MAP4K4: variants seen among roughly 807,000 people sequenced by gnomAD.
MAP4K4 encodes the protein HPK/GCK-like kinase HGK.
Under a neutral mutation model 189.6 loss-of-function variants are expected in MAP4K4, and 38 were observed. The observed-to-expected ratio is 0.20, with a 90% CI of 0.15 to 0.26. The LOEUF is 0.26. Among genes scored for constraint, MAP4K4 ranks in the 10% least tolerant of loss-of-function variants. The pLI is 1.00. For synonymous variants in MAP4K4, 610 were observed against 624.3 expected (o/e 0.98, Z 0.34); for missense variants, 1,054 against 1,726.9 (o/e 0.61, Z 6.91).
chr2:101,728,174 A>G (rs1210971852), intron 2 of MAP4K4, among the ~76,000 whole-genome samples: 1 of 152,182 alleles, frequency 6.6e-6, no homozygotes, highest in East Asian at 1.9e-4. Context: ...CCCAAAGTAC[A>G]GATTGTCATA....
intron 12 of MAP4K4, among the ~76,000 whole-genome samples, chr2:101,850,584 T>C (rs2097254105): frequency 6.6e-6 from 1 of 152,208 alleles, no homozygotes; most frequent in South Asian, 2.1e-4. Flanking sequence ...TGTTAGCACA[T>C]GCTACCTTTC....
At chr2:101,735,863 G>A (rs1486793356) in intron 2 of MAP4K4, among the ~76,000 whole-genome samples, 1 of 152,164 alleles carries the variant, frequency 6.6e-6, no homozygotes, top group Non-Finnish European at 1.5e-5. Context: ...TGATGGGGAC[G>A]CAGAAGTCTC....
chr2:101,780,361 G>A (rs2086711522), intron 2 of MAP4K4, among the ~76,000 whole-genome samples: 1 of 152,196 alleles, frequency 6.6e-6, no homozygotes, highest in Non-Finnish European at 1.5e-5. Flanking sequence ...GATGCTTGAA[G>A]TGATATTTCA....
At chr2:101,772,045 A>G (rs1048542300) in intron 2 of MAP4K4, among the ~76,000 whole-genome samples, 2 of 152,130 alleles carry the variant, frequency 1.3e-5, no homozygotes, top group African/African-American at 4.8e-5. Context: ...AGTAAGCCCT[A>G]TTGTCCCTGT....
chr2:101,771,645 A>G (rs994352447), intron 2 of MAP4K4, among the ~76,000 whole-genome samples: 1 of 152,156 alleles, frequency 6.6e-6, no homozygotes, highest in African/African-American at 2.4e-5. Context: ...TCTATTCTTA[A>G]GTGCACGGAG....
At chr2:101,728,460 T>C (rs1232957675) in intron 2 of MAP4K4, among the ~76,000 whole-genome samples, 4 of 152,154 alleles carry the variant, frequency 2.6e-5, no homozygotes, top group African/African-American at 9.7e-5. Flanking sequence ...TTCAAACCTA[T>C]AGTAAAGTTG....
At chr2:101,759,198 A>G (rs2074486073) in intron 2 of MAP4K4, among the ~76,000 whole-genome samples, 1 of 151,238 alleles carries the variant, frequency 6.6e-6, no homozygotes, top group African/African-American at 2.4e-5. Flanking sequence ...TCAGTAGACT[A>G]TAAGGGGTCA....
chr2:101,851,869 T>C (rs1399524175), intron 12 of MAP4K4, among the ~76,000 whole-genome samples: 3 of 151,908 alleles, frequency 2.0e-5, no homozygotes, highest in African/African-American at 4.8e-5. Flanking sequence ...TTTAAAGGTA[T>C]GTGACTCACC....
In MAP4K4 at chr2:101,828,735, C is replaced by T. The variant is rs139081803; in HGVS notation, c.418-769C>T. Among the ~76,000 whole-genome samples the T allele has an allele frequency of 3.2e-3, 482 of 152,200 alleles. 2 individuals carry two copies. The highest frequency in any genetic ancestry group is 0.011 in the African/African-American group (465 of 41,524). ...ATAGGTTGCTTGTATCTTAAGGAGG[C>T]GAGCTGTATATTTGGCTTCTCTAGC... On this transcript the variant is annotated intron_variant, in intron 5 of 32. Transcript: ENST00000324219.
chr2:101,884,373 C>G (rs566442796), intron 28 of MAP4K4, among the ~76,000 whole-genome samples: 1 of 152,110 alleles, frequency 6.6e-6, no homozygotes, highest in Admixed American at 6.5e-5. Flanking sequence ...GAAACAGTAC[C>G]GGTTTTGTCA....
intron 26 of MAP4K4, among the ~76,000 whole-genome samples, chr2:101,875,016 T>C (rs1385967998): frequency 6.6e-6 from 1 of 152,236 alleles, no homozygotes; most frequent in Non-Finnish European, 1.5e-5. Context: ...TGTGTAGTTA[T>C]TACCAGATTC....
intron 2 of MAP4K4, among the ~76,000 whole-genome samples, chr2:101,777,691 G>A (rs986797086): frequency 6.6e-6 from 1 of 152,128 alleles, no homozygotes; most frequent in African/African-American, 2.4e-5. Context: ...CTATGAGAAC[G>A]TATTCAGAAG....
intron 2 of MAP4K4, among the ~76,000 whole-genome samples, chr2:101,736,034 C>T (rs1017099174): frequency 2.6e-5 from 4 of 152,078 alleles, no homozygotes; most frequent in Non-Finnish European, 5.9e-5. Flanking sequence ...TGTTTTATTC[C>T]ACCAGAAGCA....
At chr2:101,850,741 A>G in intron 12 of MAP4K4, among the ~76,000 whole-genome samples, 2 of 152,310 alleles carry the variant, frequency 1.3e-5, no homozygotes, top group South Asian at 2.1e-4. Context: ...AGAACTCCTC[A>G]TAAGTTCTTA....
intron 3 of MAP4K4, among the ~76,000 whole-genome samples, chr2:101,807,867 C>T (rs1159084053): frequency 6.6e-6 from 1 of 152,250 alleles, no homozygotes; most frequent in Non-Finnish European, 1.5e-5. Flanking sequence ...CTCATGAGAA[C>T]TTCCTCACTG....
At chr2:101,797,968 A>G (rs575435846) in intron 3 of MAP4K4, among the ~76,000 whole-genome samples, 3 of 134,578 alleles carry the variant, frequency 2.2e-5, no homozygotes, top group Admixed American at 8.7e-5. Flanking sequence ...AGCTGTGCAC[A>G]AGTCTAGAGT....
exon 23 of MAP4K4, chr2:101,870,368 G>A (rs1163205178): frequency 6.2e-7 from 1 of 1,613,788 alleles, no homozygotes; most frequent in Admixed American, 1.7e-5. Context: ...TGTAGAAAGT[G>A]AGCCGGCCAT....
intron 5 of MAP4K4, among the ~76,000 whole-genome samples, chr2:101,827,808 C>A (rs538813493): frequency 1.3e-5 from 2 of 152,318 alleles, no homozygotes; most frequent in South Asian, 4.1e-4. Flanking sequence ...TACTGTATGA[C>A]AACCTTTGCC....
In MAP4K4 at chr2:101,826,230, TAAAGTA is replaced by T. The variant is rs531814293; in HGVS notation, c.417+803_417+808del. Among the ~76,000 whole-genome samples the T allele has an allele frequency of 1.6e-4, 25 of 152,294 alleles. No homozygotes were observed. In the East Asian group the frequency reaches 3.9e-3, roughly 23 times the overall value. On this transcript the variant is annotated intron_variant, in intron 5 of 32. Coordinates refer to ENST00000324219, the Ensembl canonical transcript of MAP4K4. ...GGCTTCCCCCACTAATAAAAAAACTTAAAGTAACTAATAAGTTATTTTAATTTTTTT... is the reference window on the plus strand; with the variant it reads ...GGCTTCCCCCACTAATAAAAAAACTTACTAATAAGTTATTTTAATTTTTTT...
Sources: gnomAD v4.1 joint callset for allele counts (sites outside exome capture counted in the v4.1 genomes callset) on GRCh38, gnomAD v4.1.1 for gene constraint, MANE v1.5 for transcripts, NCBI Gene and HGNC (gene_info 2026-07-23, HGNC 2026-07-21) for gene names.